Variants in CSMD3 observed in about 807,000 individuals in gnomAD.
The protein encoded by CSMD3 is CUB and Sushi multiple domains 3, also known as CUB and sushi domain-containing protein 3.
CSMD3 carries 177 observed loss-of-function variants against 435.2 expected under a neutral mutation model. The ratio of observed to expected loss-of-function variants is 0.41; its 90% CI spans 0.36 to 0.46. The LOEUF (loss-of-function observed/expected upper bound fraction) is 0.46, where lower values mean the gene tolerates loss of function less well. CSMD3 is among the 20% of genes least tolerant of loss of function. CSMD3 has a pLI of 0.34. For synonymous variants in CSMD3, 1,656 were observed against 1,520.5 expected (o/e 1.09, Z -2.07); for missense variants, 4,265 against 4,504.6 (o/e 0.95, Z 1.52).
intron 9 of CSMD3, among the ~76,000 whole-genome samples, chr8:112,941,517 GA>G (rs1328801587): frequency 1.3e-5 from 2 of 151,684 alleles, no homozygotes; most frequent in African/African-American, 4.8e-5. Context: ...AATATCCATG[GA>G]AATGCAGATC....
At chr8:112,494,849 T>A (rs1331888660) in intron 30 of CSMD3, among the ~76,000 whole-genome samples, 5 of 152,082 alleles carry the variant, frequency 3.3e-5, no homozygotes, top group Non-Finnish European at 7.4e-5. Context: ...GGAGGTGTGC[T>A]GACATGTGCA....
At chr8:112,329,054 C>A (rs1823782401) in intron 45 of CSMD3, among the ~76,000 whole-genome samples, 1 of 152,138 alleles carries the variant, frequency 6.6e-6, no homozygotes. Flanking sequence ...ATTGTAAGAA[C>A]ATTTCAATAT....
chr8:112,452,000 T>A (rs2094213471), intron 32 of CSMD3, among the ~76,000 whole-genome samples: 1 of 152,192 alleles, frequency 6.6e-6, no homozygotes, highest in South Asian at 2.1e-4. Context: ...TTTCCACCAC[T>A]GAACCAGTGA....
At chr8:112,691,115 T>C (rs915038892) in intron 13 of CSMD3, among the ~76,000 whole-genome samples, 1 of 152,140 alleles carries the variant, frequency 6.6e-6, no homozygotes, top group Non-Finnish European at 1.5e-5. Context: ...ATGTACATCA[T>C]ACTTTAACTT....
intron 1 of CSMD3, among the ~76,000 whole-genome samples, chr8:113,372,142 G>T (rs1371625702): frequency 6.6e-6 from 1 of 152,026 alleles, no homozygotes; most frequent in Non-Finnish European, 1.5e-5. Context: ...TTAAATATTT[G>T]GGAGGTCAAT....
chr8:112,577,608 T>A (rs1830044733), intron 23 of CSMD3, among the ~76,000 whole-genome samples: 2 of 152,108 alleles, frequency 1.3e-5, no homozygotes, highest in Non-Finnish European at 2.9e-5. Flanking sequence ...GTTAATGAAA[T>A]TCTTTGCTGA....
intron 4 of CSMD3, among the ~76,000 whole-genome samples, chr8:113,135,348 G>A (rs1048148794): frequency 6.6e-6 from 1 of 151,838 alleles, no homozygotes; most frequent in Non-Finnish European, 1.5e-5. Flanking sequence ...TAAATAATGT[G>A]TCAGCTCAAT....
chr8:112,899,631 ATG>A (rs1353397804), intron 10 of CSMD3, among the ~76,000 whole-genome samples: 33 of 82,040 alleles, frequency 4.0e-4, no homozygotes, highest in South Asian at 1.2e-3. Flanking sequence ...ATATATATAT[ATG>A]TATATACATA....
chr8:112,879,631 G>A (rs190995690), intron 10 of CSMD3, among the ~76,000 whole-genome samples: 1 of 152,126 alleles, frequency 6.6e-6, no homozygotes, highest in Admixed American at 6.6e-5. Flanking sequence ...CTGCCGACAT[G>A]TGATGCCTCC....
intron 3 of CSMD3, among the ~76,000 whole-genome samples, chr8:113,253,828 A>G (rs2093356069): frequency 6.7e-6 from 1 of 149,952 alleles, no homozygotes. Flanking sequence ...ACAGAGTGAG[A>G]CTCCGTCTGA....
At chr8:112,335,220 TA>T in intron 45 of CSMD3, 108 bp downstream of exon 45, 1 of 1,116,618 alleles carries the variant, frequency 9.0e-7, no homozygotes, top group South Asian at 1.4e-5. Flanking sequence ...ATAAAATTTC[TA>T]AATTTTAATA....
chr8:112,416,970 G>A (rs1295010546), intron 32 of CSMD3, among the ~76,000 whole-genome samples: 1 of 152,094 alleles, frequency 6.6e-6, no homozygotes, highest in Non-Finnish European at 1.5e-5. Flanking sequence ...CTTCAAATTT[G>A]GTGGAGTAAG....
At chr8:112,504,466 A>G (rs1229053063) in intron 29 of CSMD3, among the ~76,000 whole-genome samples, 1 of 152,136 alleles carries the variant, frequency 6.6e-6, no homozygotes, top group Non-Finnish European at 1.5e-5. Context: ...TAACTCTACA[A>G]TCAGATATGG....
intron 57 of CSMD3, among the ~76,000 whole-genome samples, chr8:112,287,804 C>A (rs905266539): frequency 2.0e-5 from 3 of 151,954 alleles, no homozygotes; most frequent in African/African-American, 7.2e-5. Flanking sequence ...ACTGCATATT[C>A]CTCGTATATG....
At chr8:112,349,730 C>T (rs1825976002) in intron 40 of CSMD3, among the ~76,000 whole-genome samples, 1 of 152,046 alleles carries the variant, frequency 6.6e-6, no homozygotes, top group Non-Finnish European at 1.5e-5. Context: ...ACCTTAAAAA[C>T]TTCCCTTAAA....
chr8:112,540,729 A>G (rs887087709), intron 27 of CSMD3, among the ~76,000 whole-genome samples: 1 of 151,992 alleles, frequency 6.6e-6, no homozygotes, highest in Admixed American at 6.6e-5. Context: ...CTAACAAAAA[A>G]TTGATCTCAT....
intron 10 of CSMD3, among the ~76,000 whole-genome samples, chr8:112,878,811 G>C (rs1005119290): frequency 9.2e-5 from 14 of 152,074 alleles, no homozygotes; most frequent in Non-Finnish European, 1.6e-4. Context: ...ACCTGCTGAA[G>C]GCATGGCAGA....
Position 113,357,227 on chromosome 8 carries a change from G to T in CSMD3, c.179-42434C>A, listed in dbSNP as rs148382082. ...AAACCTGCAATAAGCATTTGCTTTG[G>T]ATTATATTGTTTAGCCCTTTCAAAA... On this transcript the variant is annotated intron_variant, in intron 1 of 70. Coordinates refer to ENST00000297405, the MANE Select transcript of CSMD3 (RefSeq NM_198123.2). Among the ~76,000 whole-genome samples, 395 of 152,258 alleles carry T rather than the reference G, an allele frequency of 2.6e-3. 2 individuals are homozygous for T. The highest frequency in any genetic ancestry group is 9.0e-3 in the African/African-American group (372 of 41,560).
intron 9 of CSMD3, among the ~76,000 whole-genome samples, chr8:112,932,886 A>C (rs983801569): frequency 6.6e-6 from 1 of 152,218 alleles, no homozygotes; most frequent in Non-Finnish European, 1.5e-5. Flanking sequence ...GGTGATGGCT[A>C]TCCAAAATAC....
Sources: gnomAD v4.1 joint callset for allele counts (sites outside exome capture counted in the v4.1 genomes callset) on GRCh38, gnomAD v4.1.1 for gene constraint, MANE v1.5 for transcripts, NCBI Gene and HGNC (gene_info 2026-07-23, HGNC 2026-07-21) for gene names.